Variants in FUS observed in about 807,000 individuals in gnomAD.
FUS encodes FUS RNA binding protein.
Under a neutral mutation model 82.7 loss-of-function variants are expected in FUS, and 5 were observed. The ratio of observed to expected loss-of-function variants is 0.06; its 90% CI spans 0.03 to 0.13. The LOEUF (loss-of-function observed/expected upper bound fraction) is 0.13. Ranked by LOEUF, FUS falls within the 10% of genes least tolerant of loss-of-function variation. The pLI is 1.00. For synonymous variants in FUS, 281 were observed against 247.4 expected (o/e 1.14, Z -1.27); for missense variants, 512 against 707.8 (o/e 0.72, Z 3.14).
intron 1 of FUS, among the ~76,000 whole-genome samples, chr16:31,180,775 G>C (rs1273771440): frequency 6.6e-6 from 1 of 152,206 alleles, no homozygotes; most frequent in African/African-American, 2.4e-5. Context: ...GGATCGCTCC[G>C]TTCCCGCCTG....
intron 7 of FUS, chr16:31,187,991 T>C (rs2079295168): frequency 2.6e-6 from 1 of 387,042 alleles, no homozygotes; most frequent in African/African-American, 2.1e-5. Flanking sequence ...CCAAGCTGAG[T>C]TGGTTTGTTC....
Position 31,191,591 on chromosome 16 carries a change from A to G in FUS, c.*153A>G, listed in dbSNP as rs1186324218. ...ATACCTCTGGTTCCCATTAAAAGTG[A>G]CCATTTTAGTTAAATTTTGTTCCTC... On this transcript the variant is annotated 3_prime_UTR_variant, in exon 15 of 15. Coordinates refer to ENST00000254108, the MANE Select transcript of FUS (RefSeq NM_004960.4). 1.2e-6 allele frequency: 1 copy of G among 851,938 alleles called. No individual in the cohort carries two copies. The highest frequency in any genetic ancestry group is 2.0e-6 in the Non-Finnish European group (1 of 511,090). The allele number at this position is 851,938 out of a possible 1,614,324, so 52.8% of individuals were successfully genotyped here. A position where few individuals can be genotyped will look rare whatever the true frequency, so the allele number is the denominator to read the frequency against.
intron 7 of FUS, chr16:31,187,150 T>A: frequency 4.2e-6 from 2 of 473,338 alleles, no homozygotes; most frequent in Non-Finnish European, 3.9e-6. Context: ...AACTGGAGAG[T>A]GCGTGCTGGA....
Position 31,182,434 on chromosome 16 carries a change from T to A in FUS, c.38+12T>A, listed in dbSNP as rs2079193229. ...CAAGCAACCCAAAGGTGAGTGCTAT[T>A]TTTGGGCTTCCAGAGTTTGTAGAGG... On this transcript the variant is annotated intron_variant, in intron 2 of 14. Coordinates refer to ENST00000254108, the MANE Select transcript of FUS (RefSeq NM_004960.4). 6.2e-7 allele frequency: 1 copy of A among 1,614,118 alleles called. No homozygotes were observed. Among genetic ancestry groups the A allele is most frequent in the African/African-American group, 1.3e-5 (1 of 74,948 alleles).
At chr16:31,187,224 T>A in intron 7 of FUS, 1 of 350,564 alleles carries the variant, frequency 2.9e-6, no homozygotes. Flanking sequence ...TGTGTGTGTG[T>A]GAGTGTGTGG....
rs1020958601 is a variant in FUS at position 31,191,468 on chromosome 16, C to G, written c.*30C>G. On this transcript the variant is annotated 3_prime_UTR_variant, in exon 15 of 15. Coordinates refer to ENST00000254108, the MANE Select transcript of FUS (RefSeq NM_004960.4). ...CCTGGCTCCCCAGGTTCTGGAACAG[C>G]TTTTTGTCCTGTACCCAGTGTTACC... 6 of 1,611,600 alleles carry G rather than the reference C, an allele frequency of 3.7e-6. No individual in the cohort carries two copies. In the African/African-American group the frequency reaches 6.7e-5, roughly 18 times the overall value.
chr16:31,182,927 G>A, intron 3 of FUS: 1 of 452,772 alleles, frequency 2.2e-6, no homozygotes, highest in Non-Finnish European at 4.1e-6. Context: ...TGTTGGACAG[G>A]CTGGTCTGGA....
At chr16:31,188,786 A>G in intron 8 of FUS, 1 of 467,726 alleles carries the variant, frequency 2.1e-6, no homozygotes, top group East Asian at 3.8e-5. Flanking sequence ...TTGAATGTAA[A>G]ATGGGTTTCT....
chr16:31,183,824 G>A, intron 3 of FUS, 34 bp from the exon 4 acceptor site: 1 of 1,614,056 alleles, frequency 6.2e-7, no homozygotes, highest in Non-Finnish European at 8.5e-7. Flanking sequence ...CTTTCCTGGT[G>A]GCTTTTGTGA....
rs367908240 is a variant in FUS at position 31,180,193 on chromosome 16, G to C, written c.-22G>C. 52 of 1,610,392 alleles carry C rather than the reference G, an allele frequency of 3.2e-5. No homozygotes were observed. Among genetic ancestry groups the C allele is most frequent in the Non-Finnish European group, 4.2e-5 (49 of 1,178,410 alleles). ...GGTGTTGGAACTTCGTTGCTTGCTT[G>C]CCTGTGCGCGCGTGCGCGGACATGG... On this transcript the variant is annotated 5_prime_UTR_variant, in exon 1 of 15. Transcript: ENST00000254108.
intron 12 of FUS, 62 bp from the exon 13 acceptor site, chr16:31,190,679 TC>T: frequency 6.9e-7 from 1 of 1,458,802 alleles, no homozygotes; most frequent in Non-Finnish European, 9.6e-7. Context: ...CGTAGTTTCT[TC>T]CTAGTTCTAG....
downstream of FUS, chr16:31,192,131 C>T (rs1452247088): frequency 9.4e-6 from 5 of 530,340 alleles, no homozygotes; most frequent in South Asian, 3.1e-5. Flanking sequence ...TGGTGAACAG[C>T]GCTTGGGTAG....
intron 1 of FUS, 49 bp from the exon 2 acceptor site, chr16:31,182,349 C>A (rs775054725): frequency 1.2e-6 from 2 of 1,608,872 alleles, no homozygotes; most frequent in Non-Finnish European, 1.7e-6. Context: ...TAATTCAACT[C>A]TTTCAGAGTG....
chr16:31,187,075 G>C, intron 7 of FUS: 1 of 590,410 alleles, frequency 1.7e-6, no homozygotes, highest in Non-Finnish European at 3.0e-6. Flanking sequence ...GTTAATAAGA[G>C]GGGTCTAGTA....
Position 31,191,027 on chromosome 16 carries a change from C to T in FUS, c.1458C>T (p.Gly486=). 6.2e-7 allele frequency: 1 copy of T among 1,613,780 alleles called. No homozygotes were observed. Among genetic ancestry groups the T allele is most frequent in the Non-Finnish European group, 8.5e-7 (1 of 1,179,954 alleles). ...RGGYDRGGYR[G]RGGDRGGFRG... is the part of the protein sequence containing the mutation. ...GCTATGATCGAGGCGGCTACCGGGGCCGCGGCGGGGACCGTGGAGGCTTCC... is the reference window on the plus strand; with the variant it reads ...GCTATGATCGAGGCGGCTACCGGGGTCGCGGCGGGGACCGTGGAGGCTTCC... The change falls in exon 14 of 15, where the codon GGC becomes GGT. Residue 486 remains glycine (G), a synonymous_variant. Coordinates refer to ENST00000254108, the MANE Select transcript of FUS (RefSeq NM_004960.4).
chr16:31,188,380 G>A (rs371750894), intron 8 of FUS, 23 bp downstream of exon 8: 5 of 1,613,368 alleles, frequency 3.1e-6, no homozygotes, highest in Non-Finnish European at 4.2e-6. Flanking sequence ...GTGGTGGCAT[G>A]AAAAGAGTGG....
downstream of FUS, chr16:31,193,746 C>T (rs1352457882): frequency 1.9e-6 from 1 of 531,866 alleles, no homozygotes; most frequent in Non-Finnish European, 3.6e-6. Context: ...CAACCTCCCA[C>T]CTCAGCCTCC....
rs202111940 is a variant in FUS, at chr16:31,182,408, A to G, written c.24A>G (p.Gln8=). 5 of 1,614,252 alleles carry G rather than the reference A, an allele frequency of 3.1e-6. No individual in the cohort carries two copies. In the African/African-American group the frequency reaches 5.3e-5, roughly 17 times the overall value. Reference sequence around the variant, plus strand: ...ATTTTTCTTTTGCAGATTATACCCAACAAGCAACCCAAAGGTGAGTGCTAT... The same window carrying G: ...ATTTTTCTTTTGCAGATTATACCCAGCAAGCAACCCAAAGGTGAGTGCTAT... MASNDYT[Q]QATQSYGAYP... The change falls in exon 2 of 15, where the codon CAA becomes CAG. Residue 8 remains glutamine, a synonymous_variant. Transcript: ENST00000254108.
At chr16:31,190,917 A>G (rs1381517633) in intron 13 of FUS, 46 bp from the exon 14 acceptor site, 1 of 1,612,188 alleles carries the variant, frequency 6.2e-7, no homozygotes, top group African/African-American at 1.3e-5. Context: ...GGCTCGGGGA[A>G]CATAGGGGAA....
Sources: gnomAD v4.1 joint callset for allele counts (sites outside exome capture counted in the v4.1 genomes callset) on GRCh38, gnomAD v4.1.1 for gene constraint, MANE v1.5 for transcripts, NCBI Gene and HGNC (gene_info 2026-07-23, HGNC 2026-07-21) for gene names.